Variants in TRPV4 observed in about 807,000 individuals in gnomAD.
TRPV4 encodes the protein transient receptor potential cation channel subfamily V member 4.
Under a neutral mutation model 84.1 loss-of-function variants are expected in TRPV4, and 58 were observed. The ratio of observed to expected loss-of-function variants is 0.69; its 90% CI spans 0.56 to 0.86. The LOEUF is 0.86. TRPV4 is among the 40% of genes least tolerant of loss of function. The pLI is 0.00. For missense variants in TRPV4, 879 were observed against 1,181.1 expected (o/e 0.74, Z 3.75); for synonymous variants, 489 against 500.9 (o/e 0.98, Z 0.32).
At chr12:109,790,719 CA>C (rs796139239) in intron 12 of TRPV4, among the ~76,000 whole-genome samples, 4,138 of 139,560 alleles carry the variant, frequency 0.03, 90 homozygotes, top group African/African-American at 0.068. Flanking sequence ...CTGCCTCCAC[CA>C]AAAAAAAAAA....
At position 109,815,014 on chromosome 12, in the gene TRPV4, G is replaced by T; in HGVS notation, c.-31-187C>A. 1.6e-6 allele frequency: 1 copy of T among 608,348 alleles called. No individual in the cohort carries two copies. Among genetic ancestry groups the T allele is most frequent in the Non-Finnish European group, 2.9e-6 (1 of 345,480 alleles). 37.7% of individuals were successfully genotyped at this position (608,348 alleles called of 1,614,324 possible). A position where few individuals can be genotyped will look rare whatever the true frequency, so the allele number is the denominator to read the frequency against. The stretch of plus-strand genomic sequence containing the variant: ...CAGCCTCAGGCGGGAACTGCAACAG[G>T]AGCCTCTTTCACGAACCTGGAAACA... On this transcript the variant is annotated intron_variant, in intron 1 of 15. Transcript: ENST00000261740. The surrounding 1 kb of genome is among the most constrained non-coding windows in gnomAD (Gnocchi z 4.1).
Position 109,798,640 on chromosome 12 carries a change from T to A in TRPV4, c.1126A>T (p.Met376Leu). 1.9e-6 allele frequency: 3 copies of A among 1,612,846 alleles called. No individual in the cohort carries two copies. Among genetic ancestry groups the A allele is most frequent in the Non-Finnish European group, 1.7e-6 (2 of 1,180,018 alleles). The change falls in exon 6 of 16, where the codon ATG becomes TTG. Residue 376 changes from methionine to leucine, a missense_variant. Physicochemically the swap from Met to Leu is conservative, Grantham distance 15. Around this residue, in one of 4 missense-constraint regions of TRPV4, gnomAD observed 521 missense variants for 686.6 expected, o/e 0.76. Transcript: ENST00000261740. This position sits in a 1 kb window ranked among gnomAD's most constrained non-coding sequence, Gnocchi z 5.0. ...CCAATCTTGCCCGTCTTGGCAGCCA[T>A]CATGAGGGGCGAGAGGCCGTCGTTG... ...LNNDGLSPLM[M>L]AAKTGKIGIF...
At chr12:109,820,513 C>CTTTTTTTTTTTTTTTTTTT (rs1245573219) in intron 1 of TRPV4, among the ~76,000 whole-genome samples, 1 of 106,816 alleles carries the variant, frequency 9.4e-6, no homozygotes. Flanking sequence ...CTTCAGCTGC[C>CTTTTTTTTTTTTTTTTTTT]CTATTTTTTT....
At chr12:109,823,251 C>A (rs1486539699) in intron 1 of TRPV4, among the ~76,000 whole-genome samples, 1 of 152,230 alleles carries the variant, frequency 6.6e-6, no homozygotes, top group Admixed American at 6.5e-5. Context: ...ACAGTGGCCG[C>A]CTGTCCAGGA....
intron 3 of TRPV4, among the ~76,000 whole-genome samples, chr12:109,804,013 T>G (rs11068376): frequency 0.24 from 36,647 of 151,962 alleles, 5,604 homozygotes; most frequent in East Asian, 0.68. Context: ...CCCCAAAGTG[T>G]GGGACTGTGT....
chr12:109,814,783 C>T lies in TRPV4; in HGVS notation c.14G>A (p.Ser5Asn), dbSNP rs1263438978. ...CCCGGGCCCCGCGCGGGGGCCTTCGCTGGAATCCGCCATGCCTGCCCCAGG... is the reference window on the plus strand; with the variant it reads ...CCCGGGCCCCGCGCGGGGGCCTTCGTTGGAATCCGCCATGCCTGCCCCAGG... MADS[S>N]EGPRAGPGEV... Residue 5 changes from serine to asparagine, a missense_variant, in exon 2 of 16, where the codon AGC becomes AAC. This residue lies in a region of TRPV4 where 107 missense variants were observed against 99.4 expected (regional missense o/e 1.08). Coordinates refer to ENST00000261740, the MANE Select transcript of TRPV4 (RefSeq NM_021625.5). This position sits in a 1 kb window ranked among gnomAD's most constrained non-coding sequence, Gnocchi z 5.4. 1 of 1,543,798 alleles carries T rather than the reference C, an allele frequency of 6.5e-7. No homozygotes were observed. The highest frequency in any genetic ancestry group is 8.7e-7 in the Non-Finnish European group (1 of 1,148,184).
intron 1 of TRPV4, among the ~76,000 whole-genome samples, chr12:109,829,403 A>G (rs1177466373): frequency 6.6e-6 from 1 of 152,256 alleles, no homozygotes; most frequent in African/African-American, 2.4e-5. Flanking sequence ...GCATTAAATC[A>G]GGAAAGTAAA....
At chr12:109,800,863 G>A in intron 4 of TRPV4, 105 bp from the exon 5 acceptor site, 1 of 791,986 alleles carries the variant, frequency 1.3e-6, no homozygotes, top group Non-Finnish European at 2.1e-6. Flanking sequence ...GGGGGTGGGG[G>A]ATGCAGGCAG....
rs1365389740 is a variant in TRPV4, at chr12:109,796,460, G to C, written c.1332+65C>G. On this transcript the variant is annotated intron_variant, in intron 7 of 15. Coordinates refer to ENST00000261740, the MANE Select transcript of TRPV4 (RefSeq NM_021625.5). This position sits in a 1 kb window ranked among gnomAD's most constrained non-coding sequence, Gnocchi z 4.2. ...CTGTCTCCCCCAGCCCAGCCCCAGG[G>C]CCCTGTCCCTACTCCCAGCCCTGCC... 6.3e-7 allele frequency: 1 copy of C among 1,588,518 alleles called. No homozygotes were observed. The highest frequency in any genetic ancestry group is 1.3e-5 in the African/African-American group (1 of 74,196).
chr12:109,787,894 T>C (rs893045415), intron 13 of TRPV4, among the ~76,000 whole-genome samples: 2 of 152,184 alleles, frequency 1.3e-5, no homozygotes, highest in African/African-American at 4.8e-5. Flanking sequence ...AGAAAGCTTT[T>C]GGTAAGTAAA....
intron 4 of TRPV4, 90 bp from the exon 5 acceptor site, chr12:109,800,848 A>C: frequency 1.2e-5 from 7 of 598,796 alleles, no homozygotes; most frequent in East Asian, 5.9e-5. Context: ...AGGACGTAGA[A>C]ATTGGGGGGT....
At position 109,794,319 on chromosome 12, in the gene TRPV4, G is replaced by C. The variant is rs201815805; in HGVS notation, c.1491+10C>G. On this transcript the variant is annotated intron_variant, in intron 8 of 15. Coordinates refer to ENST00000261740, the MANE Select transcript of TRPV4 (RefSeq NM_021625.5). ...CTGCCCCAGCCCCTGCCCGGTCCCC[G>C]GGCACTCACTGTGCCCTCCAGCGGC... The C allele has an allele frequency of 7.4e-6, 12 of 1,610,838 alleles. No homozygotes were observed. The highest frequency in any genetic ancestry group is 3.3e-5 in the Admixed American group (2 of 60,002).
intron 1 of TRPV4, among the ~76,000 whole-genome samples, chr12:109,825,508 C>T (rs975653771): frequency 2.0e-5 from 3 of 152,098 alleles, no homozygotes; most frequent in Non-Finnish European, 2.9e-5. Flanking sequence ...GGGATGATGA[C>T]ATTGAGGTCC....
chr12:109,814,309 A>G lies in TRPV4; in HGVS notation c.386+102T>C. 1 of 1,340,262 alleles carries G rather than the reference A, an allele frequency of 7.5e-7. No individual in the cohort carries two copies. Among genetic ancestry groups the G allele is most frequent in the South Asian group, 1.3e-5 (1 of 79,522 alleles). 83.0% of individuals were successfully genotyped at this position (1,340,262 alleles called of 1,614,324 possible). Reference sequence around the variant, plus strand: ...GTTGGATGGACAGATGGATGGATGGATGAATCGACGGATGGGTGGATAATA... The same window carrying G: ...GTTGGATGGACAGATGGATGGATGGGTGAATCGACGGATGGGTGGATAATA... On this transcript the variant is annotated intron_variant, in intron 2 of 15. Coordinates refer to ENST00000261740, the MANE Select transcript of TRPV4 (RefSeq NM_021625.5). The surrounding 1 kb of genome is among the most constrained non-coding windows in gnomAD (Gnocchi z 5.4).
In TRPV4 at chr12:109,796,444, C is replaced by G. The variant is rs1213406511; in HGVS notation, c.1332+81G>C. 1 of 1,549,454 alleles carries G rather than the reference C, an allele frequency of 6.5e-7. No homozygotes were observed. Among genetic ancestry groups the G allele is most frequent in the Non-Finnish European group, 8.8e-7 (1 of 1,134,722 alleles). ...GTCCTAGAGGCTGGGGCTGTCTCCC[C>G]CAGCCCAGCCCCAGGGCCCTGTCCC... is the stretch of plus-strand genomic sequence containing the variant. On this transcript the variant is annotated intron_variant, in intron 7 of 15. Transcript: ENST00000261740. This position sits in a 1 kb window ranked among gnomAD's most constrained non-coding sequence, Gnocchi z 4.2.
At position 109,794,374 on chromosome 12, in the gene TRPV4, C is replaced by T. The variant is rs769933978; in HGVS notation, c.1446G>A (p.Met482Ile). 6.2e-7 allele frequency: 1 copy of T among 1,613,578 alleles called. No homozygotes were observed. The highest frequency in any genetic ancestry group is 1.3e-5 in the African/African-American group (1 of 75,026). The change falls in exon 8 of 16, where the codon ATG (methionine) becomes ATA (isoleucine). Residue 482 changes from methionine (M) to isoleucine (I), a missense_variant. Around this residue, in one of 4 missense-constraint regions of TRPV4, gnomAD observed 521 missense variants for 686.6 expected, o/e 0.76. Transcript: ENST00000261740. ...YINVVSYLCA[M>I]VIFTLTAYYQ... is the part of the protein sequence containing the mutation. ...AGTAGGCGGTGAGAGTGAAGATGAC[C>T]ATGGCACACAGGTAGGAGACCACGT...
In TRPV4 at chr12:109,808,479, T is replaced by C. The variant is rs1337477601; in HGVS notation, c.387-11A>G. On this transcript the variant is annotated splice_polypyrimidine_tract_variant and intron_variant, in intron 2 of 15. Transcript: ENST00000261740. ...CTCTGCGGCTGCTTCCTGGAGGAGG[T>C]AGGGAGGCAAGTTGATGGGAGGGCT... is the stretch of plus-strand genomic sequence containing the variant. 1.2e-6 allele frequency: 2 copies of C among 1,607,976 alleles called. No individual in the cohort carries two copies. Among genetic ancestry groups the C allele is most frequent in the South Asian group, 2.2e-5 (2 of 90,768 alleles).
Position 109,824,361 on chromosome 12 carries a change from G to A in TRPV4, c.-32+8989C>T, listed in dbSNP as rs181156699. ...CTCCAGGTCCTTCTTCCCTTATCTCGCTTCCTTCCCATCAGAGCATAGCCC... is the reference window on the plus strand; with the variant it reads ...CTCCAGGTCCTTCTTCCCTTATCTCACTTCCTTCCCATCAGAGCATAGCCC... On this transcript the variant is annotated intron_variant, in intron 1 of 15. Transcript: ENST00000261740. Among the ~76,000 whole-genome samples the A allele has an allele frequency of 1.4e-3, 220 of 152,118 alleles. 1 individual carries two copies. Among genetic ancestry groups the A allele is most frequent in the African/African-American group, 5.2e-3 (217 of 41,492 alleles).
chr12:109,788,741 C>A, intron 12 of TRPV4, 25 bp from the exon 13 acceptor site: 1 of 1,613,058 alleles, frequency 6.2e-7, no homozygotes, highest in South Asian at 1.1e-5. Flanking sequence ...GGGTGGCACT[C>A]ACTGAGTGTG....
Sources: allele counts gnomAD v4.1 joint callset (sites outside exome capture counted in the v4.1 genomes callset), GRCh38; gene constraint gnomAD v4.1.1; regional missense constraint gnomAD v4.1.1; non-coding constraint Gnocchi (gnomAD v3.1); transcripts MANE v1.5; gene names NCBI Gene and HGNC (gene_info 2026-07-23, HGNC 2026-07-21).